SYT16: variants seen among roughly 807,000 people sequenced by gnomAD.
SYT16 encodes the protein synaptotagmin 16, also known as synaptotagmin-16.
In SYT16, 42 loss-of-function variants were observed where a neutral mutation model predicts 61.4. The observed-to-expected ratio is 0.68, with a 90% CI of 0.53 to 0.89. SYT16 has a LOEUF of 0.89. Ranked by LOEUF, SYT16 falls within the 40% of genes least tolerant of loss-of-function variation. The probability of loss-of-function intolerance (pLI) is 0.00; values close to 1 mark genes in which losing one functional copy is unlikely to be tolerated. For missense variants in SYT16, 804 were observed against 807.3 expected, an observed-to-expected ratio of 1.00 and a Z score of 0.05; for synonymous variants, 314 against 302.3, an observed-to-expected ratio of 1.04 and a Z score of -0.40.
At chr14:61,932,271 G>A (rs577296338) in intron 1 of SYT16, among the ~76,000 whole-genome samples, 8 of 152,196 alleles carry the variant, frequency 5.3e-5, no homozygotes, top group Non-Finnish European at 1.0e-4. Context: ...TGGACCCATG[G>A]CCCCCTTCAG....
intron 1 of SYT16, among the ~76,000 whole-genome samples, chr14:61,864,192 A>G (rs1178530424): frequency 6.6e-6 from 1 of 152,212 alleles, no homozygotes; most frequent in Non-Finnish European, 1.5e-5. Context: ...TTCCACTATT[A>G]TGAATAAAAC....
At chr14:61,958,673 G>C (rs766000888) in intron 1 of SYT16, among the ~76,000 whole-genome samples, 1 of 151,990 alleles carries the variant, frequency 6.6e-6, no homozygotes, top group Non-Finnish European at 1.5e-5. Flanking sequence ...GACCTAGCAT[G>C]TTATCCATGC....
chr14:61,977,910 G>T (rs1227324347), intron 2 of SYT16, among the ~76,000 whole-genome samples: 1 of 152,172 alleles, frequency 6.6e-6, no homozygotes, highest in Non-Finnish European at 1.5e-5. Context: ...AAATCAAGGT[G>T]TCAGCAGGGC....
chr14:62,000,655 G>T (rs2052976477), intron 3 of SYT16, among the ~76,000 whole-genome samples: 1 of 151,782 alleles, frequency 6.6e-6, no homozygotes, highest in Admixed American at 6.6e-5. Flanking sequence ...TTTGTACTGA[G>T]TATTTTTATG....
chr14:62,043,642 C>T (rs1351711542), intron 3 of SYT16, among the ~76,000 whole-genome samples: 4 of 152,040 alleles, frequency 2.6e-5, no homozygotes, highest in East Asian at 1.9e-4. Context: ...CTCTTGACTT[C>T]GTGATCCACC....
At chr14:61,929,723 C>G (rs1486023802) in intron 1 of SYT16, among the ~76,000 whole-genome samples, 1 of 152,144 alleles carries the variant, frequency 6.6e-6, no homozygotes, top group Non-Finnish European at 1.5e-5. Context: ...TTATTTTTCT[C>G]TACGCATGTT....
chr14:62,080,908 C>G lies in SYT16; in HGVS notation c.1068C>G (p.Val356=). 6.2e-7 allele frequency: 1 copy of G among 1,605,928 alleles called. No individual in the cohort carries two copies. Among genetic ancestry groups the G allele is most frequent in the Non-Finnish European group, 8.5e-7 (1 of 1,176,064 alleles). ...TCTCAAAGTGTGGTGACCTAGATGT[C>G]ATCTTTGAATATAGAGCCGCCAGCC... ...EPISKCGDLD[V]IFEYRAASQK... is the part of the protein sequence containing the mutation. Residue 356 remains valine (V), a synonymous_variant, in exon 6 of 8, where the codon GTC becomes GTG. Coordinates refer to ENST00000683842, the MANE Select transcript of SYT16 (RefSeq NM_001367656.1).
chr14:61,870,600 G>A (rs1219395900), intron 1 of SYT16, among the ~76,000 whole-genome samples: 1 of 151,952 alleles, frequency 6.6e-6, no homozygotes, highest in Non-Finnish European at 1.5e-5. Context: ...TATATGTATG[G>A]TAGGCCACAT....
chr14:62,078,423 G>A (rs373682692), intron 5 of SYT16, among the ~76,000 whole-genome samples: 7 of 152,008 alleles, frequency 4.6e-5, no homozygotes, highest in East Asian at 1.9e-4. Flanking sequence ...CTTGAGTTTC[G>A]TCCTCCATAA....
intron 3 of SYT16, among the ~76,000 whole-genome samples, chr14:62,015,750 A>T (rs7160998): frequency 0.44 from 66,637 of 152,052 alleles, 15,014 homozygotes; most frequent in East Asian, 0.71. Flanking sequence ...GTTGGCCTTC[A>T]TGGGACACTG....
chr14:61,951,501 C>G (rs1166923448), intron 1 of SYT16, among the ~76,000 whole-genome samples: 1 of 152,100 alleles, frequency 6.6e-6, no homozygotes, highest in Non-Finnish European at 1.5e-5. Flanking sequence ...AAGTTACAAA[C>G]AAATCAAAAT....
chr14:61,846,474 T>G (rs1030233461), intron 1 of SYT16, among the ~76,000 whole-genome samples: 62 of 152,298 alleles, frequency 4.1e-4, no homozygotes, highest in African/African-American at 1.4e-3. Context: ...ATAAGTATAG[T>G]GATTCCTGCT....
chr14:62,030,824 A>G (rs529763366), intron 3 of SYT16, among the ~76,000 whole-genome samples: 1 of 152,328 alleles, frequency 6.6e-6, no homozygotes, highest in East Asian at 1.9e-4. Flanking sequence ...GCTGCAAAGA[A>G]AGGAAATCAA....
intron 1 of SYT16, among the ~76,000 whole-genome samples, chr14:61,949,617 C>T (rs952991752): frequency 1.3e-5 from 2 of 152,178 alleles, no homozygotes; most frequent in African/African-American, 4.8e-5. Flanking sequence ...CCACACCGCA[C>T]TGGGCTGATT....
At chr14:62,062,839 G>C (rs912375180) in intron 3 of SYT16, among the ~76,000 whole-genome samples, 1 of 152,106 alleles carries the variant, frequency 6.6e-6, no homozygotes, top group African/African-American at 2.4e-5. Flanking sequence ...ACCCCTACCT[G>C]TCTCTACTTC....
At chr14:61,845,989 A>G (rs889474866) in intron 1 of SYT16, among the ~76,000 whole-genome samples, 1 of 152,114 alleles carries the variant, frequency 6.6e-6, no homozygotes, top group Non-Finnish European at 1.5e-5. Flanking sequence ...ATCGTTTCCA[A>G]ATTCCTCTAG....
intron 3 of SYT16, among the ~76,000 whole-genome samples, chr14:62,067,158 G>A (rs2056096245): frequency 6.6e-6 from 1 of 152,098 alleles, no homozygotes; most frequent in African/African-American, 2.4e-5. Flanking sequence ...AGGCTTAGGA[G>A]AACTCTGGGT....
chr14:61,943,679 A>G (rs535458290), intron 1 of SYT16, among the ~76,000 whole-genome samples: 9 of 152,326 alleles, frequency 5.9e-5, no homozygotes, highest in East Asian at 3.9e-4. Flanking sequence ...ATAAAATTCA[A>G]TACCCCTTCA....
chr14:61,974,358 C>T (rs1236905318), intron 2 of SYT16, among the ~76,000 whole-genome samples: 2 of 152,176 alleles, frequency 1.3e-5, no homozygotes, highest in East Asian at 1.9e-4. Context: ...TGCACAAAGC[C>T]TACACTTAGA....
Sources: gnomAD v4.1 joint callset for allele counts (sites outside exome capture counted in the v4.1 genomes callset) on GRCh38, gnomAD v4.1.1 for gene constraint, MANE v1.5 for transcripts, NCBI Gene and HGNC (gene_info 2026-07-23, HGNC 2026-07-21) for gene names.